PRRX2: variants seen among roughly 807,000 people sequenced by gnomAD.
The protein encoded by PRRX2 is paired mesoderm homeobox protein 2.
Under a neutral mutation model 18.0 loss-of-function variants are expected in PRRX2, and 11 were observed. That is an observed-to-expected ratio of 0.61 (90% CI 0.39 to 1.01). PRRX2 has a LOEUF of 1.01. Ranked by LOEUF, PRRX2 falls within the 50% of genes least tolerant of loss-of-function variation. The pLI, the probability that PRRX2 is intolerant of heterozygous loss-of-function variation, is 0.01. For synonymous variants in PRRX2, 177 were observed against 154.8 expected (o/e 1.14, Z -1.06); for missense variants, 387 against 351.0 (o/e 1.10, Z -0.82).
In PRRX2 at chr9:129,675,093, C is replaced by G. The variant is rs1008504460; in HGVS notation, c.259+8967C>G. On this transcript the variant is annotated intron_variant, in intron 1 of 3. Transcript: ENST00000372469. The surrounding 1 kb of genome is among the most constrained non-coding windows in gnomAD (Gnocchi z 4.4). ...GGTCCTCTCGAGGGGACAGAGAGGC[C>G]GGGCAGAGCTGCCGCAGGATGCATA... Among the ~76,000 whole-genome samples, 44 of 152,138 alleles carry G rather than the reference C, an allele frequency of 2.9e-4. No homozygotes were observed. Among genetic ancestry groups the G allele is most frequent in the Non-Finnish European group, 6.3e-4 (43 of 68,014 alleles).
rs1205821485 is a variant in PRRX2, at chr9:129,720,722, C to G, written c.574C>G (p.Pro192Ala). 1 of 1,612,196 alleles carries G rather than the reference C, an allele frequency of 6.2e-7. No individual in the cohort carries two copies. Among genetic ancestry groups the G allele is most frequent in the Non-Finnish European group, 8.5e-7 (1 of 1,179,334 alleles). ...CATCGAGCAGCCCGTGGCTCCCCGG[C>G]CCACCGCCCTGAGTCCAGATTATCT... is the stretch of plus-strand genomic sequence containing the variant. ...AAIEQPVAPR[P>A]TALSPDYLSW... Residue 192 changes from proline (P) to alanine (A), a missense_variant, in exon 3 of 4, where the codon CCC (proline) becomes GCC (alanine). Transcript: ENST00000372469.
intron 3 of PRRX2, 112 bp downstream of exon 3, chr9:129,720,886 C>A: frequency 8.2e-7 from 1 of 1,225,706 alleles, no homozygotes; most frequent in Non-Finnish European, 1.1e-6. Context: ...GGTGTCCACG[C>A]GCCCCTGGGA....
chr9:129,666,571 A>AAC (rs1832026831), intron 1 of PRRX2, among the ~76,000 whole-genome samples: 1 of 95,426 alleles, frequency 1.0e-5, no homozygotes, highest in Non-Finnish European at 2.3e-5. Context: ...GTGCCTGCCC[A>AAC]CCCCCCCCCA....
At chr9:129,676,977 CT>C (rs1471224554) in intron 1 of PRRX2, among the ~76,000 whole-genome samples, 2 of 152,346 alleles carry the variant, frequency 1.3e-5, no homozygotes, top group Non-Finnish European at 2.9e-5. Context: ...TGCCTTCCCC[CT>C]AAGAGACTGT....
intron 1 of PRRX2, among the ~76,000 whole-genome samples, chr9:129,714,888 A>C (rs534860544): frequency 1.3e-5 from 2 of 152,232 alleles, no homozygotes; most frequent in Admixed American, 1.3e-4. Flanking sequence ...TGACCCCTGC[A>C]ATGACTGGCT....
Position 129,715,750 on chromosome 9 carries a change from TCACACACACACACACACACA to T in PRRX2, c.260-3457_260-3438del, listed in dbSNP as rs58405360. Among the ~76,000 whole-genome samples, 509 of 138,952 alleles carry T rather than the reference TCACACACACACACACACACA, an allele frequency of 3.7e-3. 1 individual carries two copies. The highest frequency in any genetic ancestry group is 0.011 in the African/African-American group (423 of 36,916). 91.2% of individuals were successfully genotyped at this position (138,952 alleles called of 152,430 possible). A position where few individuals can be genotyped will look rare whatever the true frequency, so the allele number is the denominator to read the frequency against. ...AAACCCAGCTTCAGGGACATCTTTCTCACACACACACACACACACACACACACACACACACACACACACTC... is the reference window on the plus strand; with the variant it reads ...AAACCCAGCTTCAGGGACATCTTTCTCACACACACACACACACACACACTC... On this transcript the variant is annotated intron_variant, in intron 1 of 3. Coordinates refer to ENST00000372469, the MANE Select transcript of PRRX2 (RefSeq NM_016307.4). The surrounding 1 kb of genome is among the most constrained non-coding windows in gnomAD (Gnocchi z 4.0).
intron 1 of PRRX2, among the ~76,000 whole-genome samples, chr9:129,680,395 C>T (rs375945002): frequency 4.0e-5 from 5 of 125,086 alleles, no homozygotes; most frequent in East Asian, 2.3e-4. Flanking sequence ...AGCGAGACTC[C>T]GTCTCAAAAA....
intron 1 of PRRX2, among the ~76,000 whole-genome samples, chr9:129,694,204 C>G (rs547246796): frequency 3.9e-5 from 6 of 152,152 alleles, no homozygotes; most frequent in Non-Finnish European, 8.8e-5. Flanking sequence ...CCTCTGTGGC[C>G]CAGGCTGGAG....
intron 1 of PRRX2, among the ~76,000 whole-genome samples, chr9:129,707,790 CAAA>C (rs34188002): frequency 2.5e-5 from 3 of 118,790 alleles, no homozygotes; most frequent in African/African-American, 8.8e-5. Flanking sequence ...GACTGTGTCT[CAAA>C]AAAAAAAAAA....
intron 1 of PRRX2, among the ~76,000 whole-genome samples, chr9:129,696,037 T>A (rs1249675944): frequency 2.6e-5 from 4 of 151,362 alleles, no homozygotes; most frequent in African/African-American, 9.7e-5. Flanking sequence ...CAAGCACACA[T>A]GCTTAGCCCA....
chr9:129,703,846 C>T (rs1444757990), intron 1 of PRRX2, among the ~76,000 whole-genome samples: 1 of 152,174 alleles, frequency 6.6e-6, no homozygotes, highest in Non-Finnish European at 1.5e-5. Context: ...ATAGAAACCT[C>T]CAGCGATGTT....
chr9:129,691,508 G>A (rs1239816647), intron 1 of PRRX2, among the ~76,000 whole-genome samples: 1 of 151,988 alleles, frequency 6.6e-6, no homozygotes, highest in African/African-American at 2.4e-5. Flanking sequence ...GGGCTTTAGG[G>A]CACCTCTTCT....
rs538732356 is a variant in PRRX2, at chr9:129,707,629, A to G, written c.260-11602A>G. On this transcript the variant is annotated intron_variant, in intron 1 of 3. Coordinates refer to ENST00000372469, the MANE Select transcript of PRRX2 (RefSeq NM_016307.4). ...AACATGGTGAAACCCCGTCTCTACT[A>G]AAAATACAAAAATTAACCCGGTACG... Among the ~76,000 whole-genome samples, 9 of 152,132 alleles carry G rather than the reference A, an allele frequency of 5.9e-5. No individual in the cohort carries two copies. The East Asian group carries it at 1.4e-3, about 23-fold the overall frequency.
Position 129,709,278 on chromosome 9 carries a change from G to T in PRRX2, c.260-9953G>T, listed in dbSNP as rs748462811. ...GTCTGGTGGCCCCATGGAAATGTGTGCATGTCATGTATTTAGGGGTGAGGC... is the reference window on the plus strand; with the variant it reads ...GTCTGGTGGCCCCATGGAAATGTGTTCATGTCATGTATTTAGGGGTGAGGC... On this transcript the variant is annotated intron_variant, in intron 1 of 3. Transcript: ENST00000372469. The surrounding 1 kb of genome is among the most constrained non-coding windows in gnomAD (Gnocchi z 4.2). Among the ~76,000 whole-genome samples the T allele has an allele frequency of 1.3e-5, 2 of 152,186 alleles. No individual in the cohort carries two copies. Among genetic ancestry groups the T allele is most frequent in the Non-Finnish European group, 2.9e-5 (2 of 68,036 alleles).
chr9:129,702,409 A>C (rs1394722094), intron 1 of PRRX2, among the ~76,000 whole-genome samples: 1 of 152,232 alleles, frequency 6.6e-6, no homozygotes, highest in Non-Finnish European at 1.5e-5. Context: ...AAAAAAAAAA[A>C]AAAACTTTCT....
chr9:129,719,194 C>T, intron 1 of PRRX2, 37 bp from the exon 2 acceptor site: 2 of 1,503,552 alleles, frequency 1.3e-6, no homozygotes, highest in Non-Finnish European at 1.8e-6. Flanking sequence ...AGCCACTGGC[C>T]GTCCTGCTGA....
chr9:129,719,235 G>C lies in PRRX2; in HGVS notation c.264G>C (p.Glu88Asp), dbSNP rs564891395. The C allele has an allele frequency of 1.3e-6, 2 of 1,587,878 alleles. No individual in the cohort carries two copies. The highest frequency in any genetic ancestry group is 1.7e-6 in the Non-Finnish European group (2 of 1,166,860). Reference protein sequence around the residue: ...SGSEAAPQDGECPSPGRGSAA... With the variant: ...SGSEAAPQDGDCPSPGRGSAA... Reference sequence around the variant, plus strand: ...CCGCCCCCCCAACCTCCGCAGGTGAGTGTCCCAGCCCGGGGCGCGGTAGCG... The same window carrying C: ...CCGCCCCCCCAACCTCCGCAGGTGACTGTCCCAGCCCGGGGCGCGGTAGCG... The change falls in exon 2 of 4, where the codon GAG (glutamate) becomes GAC (aspartate). Residue 88 changes from glutamate to aspartate, a missense_variant. Coordinates refer to ENST00000372469, the MANE Select transcript of PRRX2 (RefSeq NM_016307.4).
At chr9:129,669,121 T>C (rs372459151) in intron 1 of PRRX2, among the ~76,000 whole-genome samples, 1 of 151,306 alleles carries the variant, frequency 6.6e-6, no homozygotes, top group East Asian at 1.9e-4. Flanking sequence ...AGTTAGGAAT[T>C]AATACGTCTT....
chr9:129,684,495 CACACACACACACACACACACACACACA>C (rs1564147389), intron 1 of PRRX2, among the ~76,000 whole-genome samples: 2 of 91,192 alleles, frequency 2.2e-5, no homozygotes, highest in Non-Finnish European at 4.6e-5. Context: ...CACACACACA[CACACACACACACACACACACACACACA>C]CCCACACACA....
Sources: gnomAD v4.1 joint callset for allele counts (sites outside exome capture counted in the v4.1 genomes callset) on GRCh38, gnomAD v4.1.1 for gene constraint, Gnocchi (gnomAD v3.1) non-coding constraint, MANE v1.5 for transcripts, NCBI Gene and HGNC (gene_info 2026-07-23, HGNC 2026-07-21) for gene names.